Variants in SETBP1 observed in about 807,000 individuals in gnomAD.
SETBP1 encodes SET-binding protein.
In SETBP1, 9 loss-of-function variants were observed where a neutral mutation model predicts 101.0. That is an observed-to-expected ratio of 0.09 (90% CI 0.05 to 0.16). The LOEUF is 0.16. Ranked by LOEUF, SETBP1 falls within the 10% of genes least tolerant of loss-of-function variation. The pLI is 1.00. For synonymous variants in SETBP1, 818 were observed against 788.5 expected (o/e 1.04, Z -0.63); for missense variants, 1,858 against 2,033.8 (o/e 0.91, Z 1.66).
At chr18:44,829,988 ACACTATGATATAATGT>A (rs2072323344) in intron 2 of SETBP1, among the ~76,000 whole-genome samples, 1 of 152,248 alleles carries the variant, frequency 6.6e-6, no homozygotes, top group African/African-American at 2.4e-5. Context: ...AGGAGAGAAC[ACACTATGATATAATGT>A]CATACTTTCC....
chr18:44,749,028 G>A (rs1469429485), intron 2 of SETBP1, among the ~76,000 whole-genome samples: 2 of 152,124 alleles, frequency 1.3e-5, no homozygotes, highest in Non-Finnish European at 2.9e-5. Context: ...AGTGATTTCT[G>A]GGGTAGTTAT....
At chr18:44,892,062 A>G (rs1403877056) in intron 3 of SETBP1, among the ~76,000 whole-genome samples, 2 of 152,192 alleles carry the variant, frequency 1.3e-5, no homozygotes, top group African/African-American at 4.8e-5. Flanking sequence ...CAAATGTCTT[A>G]TAAAATGAAT....
chr18:44,683,134 G>GGCTA (rs2068787184), intron 1 of SETBP1, among the ~76,000 whole-genome samples: 1 of 152,166 alleles, frequency 6.6e-6, no homozygotes, highest in South Asian at 2.1e-4. Flanking sequence ...TTCATGAAAG[G>GGCTA]GCTAGGCAAG....
chr18:44,767,214 C>T (rs937254963), intron 2 of SETBP1, among the ~76,000 whole-genome samples: 2 of 152,248 alleles, frequency 1.3e-5, no homozygotes, highest in South Asian at 2.1e-4. Flanking sequence ...ATGATGCGCT[C>T]ATCTGCATGG....
intron 4 of SETBP1, among the ~76,000 whole-genome samples, chr18:44,960,328 G>A (rs557746736): frequency 6.6e-6 from 1 of 152,196 alleles, no homozygotes; most frequent in South Asian, 2.1e-4. Flanking sequence ...AATCAAGCGA[G>A]CAGTGGCAAG....
intron 3 of SETBP1, among the ~76,000 whole-genome samples, chr18:44,882,564 G>A (rs2069554613): frequency 6.6e-6 from 1 of 151,386 alleles, no homozygotes; most frequent in Non-Finnish European, 1.5e-5. Flanking sequence ...CTCTTTGCCT[G>A]CAAAGAAAGA....
At chr18:44,849,929 T>C (rs2072813481) in intron 2 of SETBP1, among the ~76,000 whole-genome samples, 1 of 152,362 alleles carries the variant, frequency 6.6e-6, no homozygotes, top group East Asian at 1.9e-4. Flanking sequence ...TTATTATTTA[T>C]TCTTTTGGGG....
At chr18:44,860,892 C>T (rs1222266459) in intron 2 of SETBP1, among the ~76,000 whole-genome samples, 1 of 152,178 alleles carries the variant, frequency 6.6e-6, no homozygotes, top group East Asian at 1.9e-4. Flanking sequence ...ATCTTAGCAT[C>T]TTTACAGAGA....
At chr18:44,928,051 G>T (rs946325586) in intron 3 of SETBP1, among the ~76,000 whole-genome samples, 5 of 141,746 alleles carry the variant, frequency 3.5e-5, no homozygotes, top group East Asian at 1.9e-4. Context: ...ATTTACATTA[G>T]GTATATCTCC....
chr18:44,852,538 C>T lies in SETBP1; in HGVS notation c.487-16692C>T, dbSNP rs191818530. 1.2e-3 allele frequency among the ~76,000 whole-genome samples: 187 copies of T among 152,230 alleles called. 1 individual carries two copies. The highest frequency in any genetic ancestry group is 2.1e-4 in the Non-Finnish European group (14 of 68,022). ...TATATGGCCATGTGATCTATCAGGG[C>T]TGGTAGGGATAATAATATTCTCACT... On this transcript the variant is annotated intron_variant, in intron 2 of 5. Coordinates refer to ENST00000649279, the MANE Select transcript of SETBP1 (RefSeq NM_015559.3).
intron 4 of SETBP1, among the ~76,000 whole-genome samples, chr18:44,975,086 T>C (rs2071957084): frequency 6.6e-6 from 1 of 152,114 alleles, no homozygotes; most frequent in East Asian, 1.9e-4. Flanking sequence ...CAGTAAGGGG[T>C]ACAAAGATAT....
chr18:44,736,081 T>C (rs1360059670), intron 2 of SETBP1, among the ~76,000 whole-genome samples: 1 of 152,148 alleles, frequency 6.6e-6, no homozygotes, highest in African/African-American at 2.4e-5. Flanking sequence ...CAAAGGGAAA[T>C]GCCATATCAT....
In SETBP1 at chr18:44,951,012, C is replaced by T. The variant is rs761485306; in HGVS notation, c.1672C>T (p.Pro558Ser). 1 of 1,613,944 alleles carries T rather than the reference C, an allele frequency of 6.2e-7. No homozygotes were observed. Among genetic ancestry groups the T allele is most frequent in the Non-Finnish European group, 8.5e-7 (1 of 1,180,022 alleles). ...MATSDKLMLE[P>S]PSAYPITPSS... ...CACCTCTGATAAACTGATGCTGGAGCCCCCGTCTGCATATCCCATCACCCC... is the reference window on the plus strand; with the variant it reads ...CACCTCTGATAAACTGATGCTGGAGTCCCCGTCTGCATATCCCATCACCCC... The change falls in exon 4 of 6, where the codon CCC becomes TCC. Residue 558 changes from proline (P) to serine (S), a missense_variant. Pro to Ser is a moderately conservative substitution (Grantham distance 74). Coordinates refer to ENST00000649279, the MANE Select transcript of SETBP1 (RefSeq NM_015559.3). This position sits in a 1 kb window ranked among gnomAD's most constrained non-coding sequence, Gnocchi z 7.8.
chr18:44,746,950 C>T (rs112295061), intron 2 of SETBP1, among the ~76,000 whole-genome samples: 245 of 152,290 alleles, frequency 1.6e-3, no homozygotes, highest in Middle Eastern at 3.4e-3. Flanking sequence ...TGGATGCATA[C>T]GGCACCTAAG....
intron 3 of SETBP1, among the ~76,000 whole-genome samples, chr18:44,875,158 A>G (rs78269683): frequency 2.7e-3 from 417 of 152,276 alleles, no homozygotes; most frequent in Non-Finnish European, 4.7e-3. Flanking sequence ...TTCAGAACAA[A>G]GTCACCATTA....
intron 4 of SETBP1, chr18:44,987,099 G>C (rs1484702042): frequency 2.0e-5 from 3 of 152,118 alleles, no homozygotes; most frequent in Non-Finnish European, 4.4e-5. Flanking sequence ...CTTGCATAAA[G>C]CATTGTGTAA....
chr18:45,026,630 A>G (rs1368657951), intron 4 of SETBP1, among the ~76,000 whole-genome samples: 1 of 152,202 alleles, frequency 6.6e-6, no homozygotes, highest in Non-Finnish European at 1.5e-5. Flanking sequence ...GGTCTTACTT[A>G]CATGCACGCA....
At chr18:44,984,796 C>T (rs1190291497) in intron 4 of SETBP1, among the ~76,000 whole-genome samples, 1 of 152,116 alleles carries the variant, frequency 6.6e-6, no homozygotes, top group African/African-American at 2.4e-5. Context: ...TTAAAGTTTA[C>T]ATGCTTAATT....
intron 4 of SETBP1, among the ~76,000 whole-genome samples, chr18:44,956,321 ACT>A (rs1215055547): frequency 6.6e-6 from 1 of 151,376 alleles, no homozygotes; most frequent in African/African-American, 2.4e-5. Context: ...GTTTGTCAAG[ACT>A]CCCTGAAGAG....
Sources: allele counts gnomAD v4.1 joint callset (sites outside exome capture counted in the v4.1 genomes callset), GRCh38; gene constraint gnomAD v4.1.1; non-coding constraint Gnocchi (gnomAD v3.1); transcripts MANE v1.5; gene names NCBI Gene and HGNC (gene_info 2026-07-23, HGNC 2026-07-21).